Variants in TRPM3 observed in about 807,000 individuals in gnomAD.
TRPM3 encodes the protein transient receptor potential cation channel subfamily M member 3.
In TRPM3, 77 loss-of-function variants were observed where a neutral mutation model predicts 181.2. The observed-to-expected ratio is 0.42, with a 90% confidence interval of 0.35 to 0.51. The LOEUF is 0.51. TRPM3 is among the 20% of genes least tolerant of loss of function. The pLI, the probability that TRPM3 is intolerant of heterozygous loss-of-function variation, is 0.01. For missense variants in TRPM3, 1,759 were observed against 2,196.7 expected, an observed-to-expected ratio of 0.80 and a Z score of 3.98; for synonymous variants, 745 against 796.4, an observed-to-expected ratio of 0.94 and a Z score of 1.09.
chr9:70,945,773 T>C (rs772128013), intron 1 of TRPM3, among the ~76,000 whole-genome samples: 24 of 152,160 alleles, frequency 1.6e-4, no homozygotes, highest in Non-Finnish European at 2.9e-4. Context: ...ACAAGTTAAT[T>C]TTGAGTTAAG....
intron 7 of TRPM3, among the ~76,000 whole-genome samples, chr9:70,765,049 G>C (rs1455151925): frequency 6.6e-6 from 1 of 152,178 alleles, no homozygotes; most frequent in Non-Finnish European, 1.5e-5. Context: ...CAATCTATGA[G>C]GCAAGTGGGA....
At chr9:71,179,512 T>C (rs2077279341) in intron 1 of TRPM3, among the ~76,000 whole-genome samples, 1 of 152,156 alleles carries the variant, frequency 6.6e-6, no homozygotes, top group South Asian at 2.1e-4. Flanking sequence ...TAAAATAAAA[T>C]GGAAGAGTCA....
At chr9:70,662,918 C>A (rs2061329150) in intron 9 of TRPM3, among the ~76,000 whole-genome samples, 1 of 151,946 alleles carries the variant, frequency 6.6e-6, no homozygotes, top group African/African-American at 2.4e-5. Context: ...TAAGTCATTA[C>A]ATAAAAAAGA....
At chr9:71,185,517 G>A (rs1329206132) in intron 1 of TRPM3, among the ~76,000 whole-genome samples, 3 of 152,054 alleles carry the variant, frequency 2.0e-5, no homozygotes, top group African/African-American at 7.2e-5. Context: ...GAACTATACT[G>A]TTACTGACGT....
intron 1 of TRPM3, among the ~76,000 whole-genome samples, chr9:71,296,988 C>CTTTTTTTTTTTTT: frequency 1.0e-5 from 1 of 97,854 alleles, no homozygotes; most frequent in African/African-American, 3.8e-5. Flanking sequence ...TGAATCTTTT[C>CTTTTTTTTTTTTT]TTTTTTTTTT....
intron 1 of TRPM3, among the ~76,000 whole-genome samples, chr9:71,317,589 C>T (rs568685176): frequency 4.5e-4 from 67 of 150,476 alleles, no homozygotes; most frequent in Admixed American, 3.5e-3. Context: ...TGCAGTAAGC[C>T]GAGATTGGGC....
intron 1 of TRPM3, among the ~76,000 whole-genome samples, chr9:71,262,237 C>T (rs537199000): frequency 5.3e-4 from 80 of 152,300 alleles, no homozygotes; most frequent in African/African-American, 1.8e-3. Context: ...TCTAGAGAGG[C>T]AGTCTGGCTA....
chr9:71,319,878 G>T (rs1004988062), intron 1 of TRPM3, among the ~76,000 whole-genome samples: 2 of 152,076 alleles, frequency 1.3e-5, no homozygotes, highest in African/African-American at 4.8e-5. Context: ...AGCCATTCTT[G>T]CTGGTTCCTG....
chr9:71,419,580 G>C (rs111623973), intron 1 of TRPM3, among the ~76,000 whole-genome samples: 1 of 151,898 alleles, frequency 6.6e-6, no homozygotes, highest in Admixed American at 6.6e-5. Context: ...AATAGCAAAA[G>C]AGAAAAAACA....
chr9:71,400,786 GTTC>G (rs150367578), intron 1 of TRPM3, among the ~76,000 whole-genome samples: 4,242 of 148,888 alleles, frequency 0.028, 181 homozygotes, highest in African/African-American at 0.097. Context: ...TATTTTACTA[GTTC>G]TTTTTTTTTT....
At chr9:71,287,336 G>A (rs1045412384) in intron 1 of TRPM3, among the ~76,000 whole-genome samples, 7 of 151,742 alleles carry the variant, frequency 4.6e-5, no homozygotes, top group Non-Finnish European at 1.0e-4. Context: ...CTTACCTTCT[G>A]AAGTCTCAGG....
intron 1 of TRPM3, among the ~76,000 whole-genome samples, chr9:71,207,415 T>C (rs1005038922): frequency 6.6e-6 from 1 of 152,174 alleles, no homozygotes; most frequent in African/African-American, 2.4e-5. Context: ...TTAAATGTCA[T>C]TGATGATCAC....
intron 8 of TRPM3, among the ~76,000 whole-genome samples, chr9:70,685,706 C>T (rs1364981097): frequency 6.6e-6 from 1 of 152,122 alleles, no homozygotes; most frequent in African/African-American, 2.4e-5. Context: ...CATGCCTGGC[C>T]CAATATTATT....
At chr9:71,114,927 T>G (rs1176037013) in intron 1 of TRPM3, among the ~76,000 whole-genome samples, 1 of 152,062 alleles carries the variant, frequency 6.6e-6, no homozygotes, top group Non-Finnish European at 1.5e-5. Context: ...CTAAAAATTT[T>G]CATGAAAAAA....
intron 1 of TRPM3, among the ~76,000 whole-genome samples, chr9:71,402,679 G>A (rs2093363448): frequency 6.6e-6 from 1 of 152,136 alleles, no homozygotes; most frequent in African/African-American, 2.4e-5. Flanking sequence ...ACCTCTGAGA[G>A]TTGTACTCCT....
At chr9:71,369,662 G>A (rs932724156) in intron 1 of TRPM3, among the ~76,000 whole-genome samples, 7 of 152,198 alleles carry the variant, frequency 4.6e-5, no homozygotes, top group South Asian at 2.1e-4. Flanking sequence ...GATTACAAGC[G>A]TGAGACACCG....
chr9:70,828,701 AT>A (rs1313239960), intron 5 of TRPM3, among the ~76,000 whole-genome samples: 116 of 116,264 alleles, frequency 1.0e-3, no homozygotes, highest in East Asian at 4.5e-3. Context: ...GGCCTTCCAG[AT>A]TTTTTTTTTT....
chr9:71,182,861 C>A (rs2077478185), intron 1 of TRPM3, among the ~76,000 whole-genome samples: 1 of 151,952 alleles, frequency 6.6e-6, no homozygotes, highest in Non-Finnish European at 1.5e-5. Flanking sequence ...GGGCTTTCAC[C>A]ATATTGGCCA....
chr9:71,281,001 T>A (rs1266744584), intron 1 of TRPM3, among the ~76,000 whole-genome samples: 2 of 152,252 alleles, frequency 1.3e-5, no homozygotes, highest in Non-Finnish European at 2.9e-5. Context: ...GTAAGCTCTG[T>A]GCAGGCAAAG....
Sources: allele counts gnomAD v4.1 joint callset (sites outside exome capture counted in the v4.1 genomes callset), GRCh38; gene constraint gnomAD v4.1.1; transcripts MANE v1.5; gene names NCBI Gene and HGNC (gene_info 2026-07-23, HGNC 2026-07-21).